The following AHI1 variants were observed in gnomAD, a reference collection of about 807,000 sequenced individuals.
AHI1 encodes the protein Abelson helper integration site 1, also known as jouberin.
A neutral mutation model predicts 149.3 loss-of-function variants in AHI1; 123 were observed. That is an observed-to-expected ratio of 0.82 (90% confidence interval 0.71 to 0.96). The LOEUF is 0.96. Among genes scored for constraint, AHI1 ranks in the 40% least tolerant of loss-of-function variants. The probability of loss-of-function intolerance (pLI) is 0.00; values close to 1 mark genes in which losing one functional copy is unlikely to be tolerated. For missense variants in AHI1, 1,439 were observed against 1,422.7 expected, an observed-to-expected ratio of 1.01 and a Z score of -0.18; for synonymous variants, 475 against 459.8, an observed-to-expected ratio of 1.03 and a Z score of -0.42.
chr6:135,326,415 TTTCTTC>T (rs144258962), intron 24 of AHI1, among the ~76,000 whole-genome samples: 1 of 152,052 alleles, frequency 6.6e-6, no homozygotes, highest in African/African-American at 2.4e-5. Context: ...AGAAAATAAA[TTTCTTC>T]TTCTTCTTCT....
intron 22 of AHI1, among the ~76,000 whole-genome samples, chr6:135,404,192 G>A (rs1386082474): frequency 6.6e-6 from 1 of 152,152 alleles, no homozygotes; most frequent in Admixed American, 6.5e-5. Context: ...GGAGTGGACA[G>A]AAGAGGGAAG....
chr6:135,322,187 TTTTA>T (rs1425612346), intron 25 of AHI1, among the ~76,000 whole-genome samples: 4 of 152,228 alleles, frequency 2.6e-5, no homozygotes, highest in African/African-American at 9.6e-5. Flanking sequence ...AATTCCTTCA[TTTTA>T]CAGAAGGTAA....
intron 2 of AHI1, among the ~76,000 whole-genome samples, chr6:135,496,882 A>G (rs945374459): frequency 2.0e-5 from 3 of 152,244 alleles, no homozygotes; most frequent in Non-Finnish European, 2.9e-5. Context: ...CACTTTTGGT[A>G]TTTGAATTTC....
At chr6:135,465,450 C>CA (rs1790586959) in intron 7 of AHI1, among the ~76,000 whole-genome samples, 1 of 151,860 alleles carries the variant, frequency 6.6e-6, no homozygotes, top group African/African-American at 2.4e-5. Flanking sequence ...ATTTGTAACT[C>CA]AAAAAAGGGG....
At chr6:135,485,392 AAATATTTC>A (rs1429805252) in intron 5 of AHI1, among the ~76,000 whole-genome samples, 2 of 152,106 alleles carry the variant, frequency 1.3e-5, no homozygotes, top group Non-Finnish European at 2.9e-5. Context: ...TTAAATATTT[AAATATTTC>A]AGTTAATCTT....
intron 26 of AHI1, among the ~76,000 whole-genome samples, chr6:135,313,454 C>A (rs549429158): frequency 3.4e-4 from 52 of 152,268 alleles, no homozygotes; most frequent in African/African-American, 1.2e-3. Flanking sequence ...CTTTACATGA[C>A]TCTAAATTCC....
intron 19 of AHI1, 77 bp from the exon 20 acceptor site, chr6:135,427,384 C>A: frequency 2.4e-6 from 3 of 1,271,092 alleles, no homozygotes; most frequent in Admixed American, 2.4e-5. Flanking sequence ...GATTATTCTG[C>A]CATTTATTAG....
intron 23 of AHI1, among the ~76,000 whole-genome samples, chr6:135,381,199 G>A (rs1019717967): frequency 1.8e-4 from 27 of 151,940 alleles, no homozygotes; most frequent in Admixed American, 5.2e-4. Context: ...AAAAAAAAAG[G>A]AAAAGTGGAC....
At chr6:135,343,020 A>C (rs1790616280) in intron 24 of AHI1, among the ~76,000 whole-genome samples, 1 of 151,780 alleles carries the variant, frequency 6.6e-6, no homozygotes, top group African/African-American at 2.4e-5. Flanking sequence ...AGACAATCTC[A>C]AAGAACTGAT....
intron 14 of AHI1, among the ~76,000 whole-genome samples, chr6:135,439,116 T>G (rs1407338986): frequency 6.6e-6 from 1 of 152,138 alleles, no homozygotes; most frequent in Non-Finnish European, 1.5e-5. Context: ...GTGGTAAAAA[T>G]CAATTGCCCT....
chr6:135,423,877 G>C (rs1170453157), intron 20 of AHI1, among the ~76,000 whole-genome samples: 1 of 152,042 alleles, frequency 6.6e-6, no homozygotes, highest in Non-Finnish European at 1.5e-5. Context: ...TCATTACCTA[G>C]AATTATCAGA....
At chr6:135,462,123 T>C (rs952382020) in intron 8 of AHI1, among the ~76,000 whole-genome samples, 11 of 152,062 alleles carry the variant, frequency 7.2e-5, no homozygotes, top group African/African-American at 2.4e-5. Context: ...TATATCTATA[T>C]ACACATTATG....
At chr6:135,457,780 C>G in intron 8 of AHI1, 67 bp from the exon 9 acceptor site, 2 of 1,421,176 alleles carry the variant, frequency 1.4e-6, no homozygotes, top group Non-Finnish European at 2.0e-6. Flanking sequence ...TACATATAAC[C>G]TAATCTTTAA....
chr6:135,411,523 A>G lies in AHI1; in HGVS notation c.2786T>C (p.Met929Thr), dbSNP rs866488026. The G allele has an allele frequency of 6.3e-7, 1 of 1,582,830 alleles. No homozygotes were observed. Among genetic ancestry groups the G allele is most frequent in the Middle Eastern group, 1.7e-4 (1 of 5,942 alleles). ...AAATGTTCCATTGTAGCGTTTGAAC[A>G]TTTCAGCCTCCTGCTGGGCAACTGA... ...DFHVAQQEAE[M>T]FKRYNGTFPL... is the part of the protein sequence containing the mutation. The change falls in exon 21 of 29, where the codon ATG becomes ACG. Residue 929 changes from methionine (M) to threonine (T), a missense_variant. Met to Thr is a moderately conservative substitution (Grantham distance 81). Transcript: ENST00000265602.
chr6:135,442,600 C>T lies in AHI1; in HGVS notation c.1894G>A (p.Asp632Asn), dbSNP rs1307042766. ...TACTCACAAATAATTGGATATCCAT[C>T]CCGGCTGGCACAAGCTGCTGCTAAT... ...RILAAACASR[D>N]GYPIILYEIP... The change falls in exon 14 of 29, where the codon GAT (aspartate) becomes AAT (asparagine). Residue 632 changes from aspartate (D) to asparagine (N), a missense_variant. Transcript: ENST00000265602. 6.2e-7 allele frequency: 1 copy of T among 1,609,006 alleles called. No individual in the cohort carries two copies. The highest frequency in any genetic ancestry group is 8.5e-7 in the Non-Finnish European group (1 of 1,177,456).
chr6:135,481,035 A>G (rs1471166256), intron 5 of AHI1, among the ~76,000 whole-genome samples: 5 of 152,168 alleles, frequency 3.3e-5, no homozygotes, highest in African/African-American at 1.2e-4. Flanking sequence ...CTGGTGCCAA[A>G]AAGGTTGGGG....
At chr6:135,455,972 G>A (rs1788877785) in intron 9 of AHI1, 46 bp from the exon 10 acceptor site, 2 of 1,290,696 alleles carry the variant, frequency 1.5e-6, no homozygotes, top group Non-Finnish European at 2.0e-6. Context: ...TCATAATTTT[G>A]AGGTGAGAAA....
chr6:135,396,440 G>A (rs1386045901), intron 22 of AHI1, among the ~76,000 whole-genome samples: 2 of 151,772 alleles, frequency 1.3e-5, no homozygotes, highest in African/African-American at 4.8e-5. Flanking sequence ...CTATTCATAT[G>A]TTAACCATAA....
intron 24 of AHI1, among the ~76,000 whole-genome samples, chr6:135,353,654 C>T (rs776779899): frequency 6.6e-6 from 1 of 151,974 alleles, no homozygotes; most frequent in Non-Finnish European, 1.5e-5. Context: ...AACCCAACAG[C>T]TATTGAGTAA....
Sources: allele counts gnomAD v4.1 joint callset (sites outside exome capture counted in the v4.1 genomes callset), GRCh38; gene constraint gnomAD v4.1.1; transcripts MANE v1.5; gene names NCBI Gene and HGNC (gene_info 2026-07-23, HGNC 2026-07-21).